The following RPF1 variants were observed in gnomAD, a reference collection of about 807,000 sequenced individuals.
RPF1 encodes the protein ribosome production factor 1.
RPF1 carries 34 observed loss-of-function variants against 41.9 expected under a neutral mutation model. The ratio of observed to expected loss-of-function variants is 0.81; its 90% CI spans 0.62 to 1.08. The LOEUF is 1.08. Among genes scored for constraint, RPF1 ranks in the 50% least tolerant of loss-of-function variants. RPF1 has a pLI of 0.00. For missense variants in RPF1, 425 were observed against 435.2 expected (o/e 0.98, Z 0.21); for synonymous variants, 140 against 148.9 (o/e 0.94, Z 0.43).
At chr1:84,479,968 A>T (rs1335590951) in intron 1 of RPF1, among the ~76,000 whole-genome samples, 1 of 152,220 alleles carries the variant, frequency 6.6e-6, no homozygotes, top group Non-Finnish European at 1.5e-5. Flanking sequence ...AGTTTCTGGT[A>T]ATTGTATTTG....
In RPF1 at chr1:84,498,335, AC is replaced by A. The variant is rs1681982728; in HGVS notation, c.*866del. ...TAATAATGCAAAATAAAAGTTTCAT[AC>A]TAAGTTTTATTGTATGCTGCTGCCA... On this transcript the variant is annotated 3_prime_UTR_variant, in exon 9 of 9. Coordinates refer to ENST00000370654, the MANE Select transcript of RPF1 (RefSeq NM_025065.7). 6.5e-6 allele frequency: 1 copy of A among 152,676 alleles called. No homozygotes were observed. The highest frequency in any genetic ancestry group is 2.1e-4 in the South Asian group (1 of 4,834). 9.5% of individuals were successfully genotyped at this position (152,676 alleles called of 1,614,324 possible).
chr1:84,496,737 G>A (rs1681944449), intron 8 of RPF1, among the ~76,000 whole-genome samples: 1 of 152,078 alleles, frequency 6.6e-6, no homozygotes, highest in South Asian at 2.1e-4. Context: ...TTTAGGGGGT[G>A]GGACCCAGCA....
At chr1:84,492,562 A>G (rs1681853831) in intron 5 of RPF1, among the ~76,000 whole-genome samples, 1 of 152,208 alleles carries the variant, frequency 6.6e-6, no homozygotes, top group African/African-American at 2.4e-5. Flanking sequence ...ACCTATCTTT[A>G]GAGTTCCCAC....
At chr1:84,480,860 G>A (rs1681632873) in intron 1 of RPF1, 96 bp from the exon 2 acceptor site, 1 of 676,120 alleles carries the variant, frequency 1.5e-6, no homozygotes, top group Non-Finnish European at 2.6e-6. Context: ...CGCCCAGTTC[G>A]AGTATTCATA....
rs999129115 is a variant in RPF1, at chr1:84,494,986, G to A, written c.617-387G>A. ...TTTTGGGGTTATACATCTTTAGAAC[G>A]TGGAGGTAAACTCATACTCTATTTG... On this transcript the variant is annotated intron_variant, in intron 5 of 8. Transcript: ENST00000370654. Among the ~76,000 whole-genome samples, 3 of 152,138 alleles carry A rather than the reference G, an allele frequency of 2.0e-5. No individual in the cohort carries two copies. In the South Asian group the frequency reaches 6.2e-4, roughly 32 times the overall value.
intron 3 of RPF1, among the ~76,000 whole-genome samples, chr1:84,486,652 T>C (rs550996840): frequency 6.7e-6 from 1 of 149,928 alleles, no homozygotes; most frequent in African/African-American, 2.5e-5. Flanking sequence ...TTAGAAGTAG[T>C]TGGCTGCTTT....
In RPF1 at chr1:84,492,102, C is replaced by A. The variant is rs542308753; in HGVS notation, c.616+1630C>A. ...CTTGAACCCGGGAGGCAAAGGTTGC[C>A]ATGAGCAGAGATGGTGCCACTGCAC... On this transcript the variant is annotated intron_variant, in intron 5 of 8. Transcript: ENST00000370654. Among the ~76,000 whole-genome samples the A allele has an allele frequency of 4.6e-5, 7 of 151,936 alleles. No individual in the cohort carries two copies. In the South Asian group the frequency reaches 1.5e-3, roughly 32 times the overall value.
rs1454757572 is a variant in RPF1 at position 84,480,995 on chromosome 1, G to A, written c.268G>A (p.Glu90Lys). 2.5e-6 allele frequency: 4 copies of A among 1,594,322 alleles called. No homozygotes were observed. The highest frequency in any genetic ancestry group is 3.4e-6 in the Non-Finnish European group (4 of 1,165,476). The change falls in exon 2 of 9, where the codon GAG (glutamate) becomes AAG (lysine). Residue 90 changes from glutamate (E) to lysine (K), a missense_variant. Physicochemically the swap from Glu to Lys is moderately conservative, Grantham distance 56. Coordinates refer to ENST00000370654, the MANE Select transcript of RPF1 (RefSeq NM_025065.7). ...TAAGAAAAAACTTAAAAAAGAAAGA[G>A]AGGCTCTTGGCGATAAGGTAAATAA... ...AAKKKLKKER[E>K]ALGDKAPPKP...
At position 84,480,982 on chromosome 1, in the gene RPF1, T is replaced by TA; in HGVS notation, c.261dup (p.Glu88ArgfsTer8). Reference sequence around the variant, plus strand: ...AAAAGTTGGCAGCTAAGAAAAAACTTAAAAAAGAAAGAGAGGCTCTTGGCG... The same window carrying TA: ...AAAAGTTGGCAGCTAAGAAAAAACTTAAAAAAAGAAAGAGAGGCTCTTGGCG... On this transcript the variant is annotated frameshift_variant, in exon 2 of 9. Transcript: ENST00000370654. LOFTEE classifies it high-confidence loss of function. 3 of 1,596,188 alleles carry TA rather than the reference T, an allele frequency of 1.9e-6. No individual in the cohort carries two copies. The highest frequency in any genetic ancestry group is 2.6e-6 in the Non-Finnish European group (3 of 1,166,842).
At position 84,497,590 on chromosome 1, in the gene RPF1, C is replaced by T. The variant is rs1260948888; in HGVS notation, c.*120C>T. The T allele has an allele frequency of 1.3e-5, 8 of 614,850 alleles. No individual in the cohort carries two copies. Among genetic ancestry groups the T allele is most frequent in the Non-Finnish European group, 1.9e-5 (7 of 373,076 alleles). 38.1% of individuals were successfully genotyped at this position (614,850 alleles called of 1,614,324 possible). On this transcript the variant is annotated 3_prime_UTR_variant, in exon 9 of 9. Coordinates refer to ENST00000370654, the MANE Select transcript of RPF1 (RefSeq NM_025065.7). ...TGCTGATTTCATAAACCTTTCACGT[C>T]TGGACGAATTACCAAATGCCATGAA...
At chr1:84,482,183 A>G (rs1219550287) in intron 2 of RPF1, among the ~76,000 whole-genome samples, 1 of 152,188 alleles carries the variant, frequency 6.6e-6, no homozygotes, top group Non-Finnish European at 1.5e-5. Context: ...TATTTTCTTC[A>G]TAGCTCTGCT....
Position 84,480,836 on chromosome 1 carries a change from T to C in RPF1, c.229-120T>C, listed in dbSNP as rs922097116. The C allele has an allele frequency of 1.2e-5, 7 of 564,832 alleles. No homozygotes were observed. In the African/African-American group the frequency reaches 1.3e-4, roughly 11 times the overall value. The allele number at this position is 564,832 out of a possible 1,614,324, so 35.0% of individuals were successfully genotyped here. On this transcript the variant is annotated intron_variant, in intron 1 of 8. Coordinates refer to ENST00000370654, the MANE Select transcript of RPF1 (RefSeq NM_025065.7). Reference sequence around the variant, plus strand: ...CTCCACGTCCAGATGCTTATTTCAATAGATTACAAAGACCGCCCAGTTCGA... The same window carrying C: ...CTCCACGTCCAGATGCTTATTTCAACAGATTACAAAGACCGCCCAGTTCGA...
chr1:84,481,904 T>C (rs1681657154), intron 2 of RPF1, among the ~76,000 whole-genome samples: 1 of 152,214 alleles, frequency 6.6e-6, no homozygotes. Flanking sequence ...ATTTCATACA[T>C]TCTTTGAATA....
chr1:84,479,651 G>A (rs1681605651), intron 1 of RPF1, 142 bp downstream of exon 1: 1 of 749,778 alleles, frequency 1.3e-6, no homozygotes, highest in Non-Finnish European at 2.2e-6. Context: ...CGCGGCCCAC[G>A]TGTTCTGGTC....
intron 4 of RPF1, 91 bp downstream of exon 4, chr1:84,489,819 T>G: frequency 8.4e-6 from 6 of 715,024 alleles, no homozygotes; most frequent in Non-Finnish European, 1.2e-5. Flanking sequence ...AAACCATTAG[T>G]TAATTGCCTT....
chr1:84,485,706 C>T (rs1043190627), intron 3 of RPF1, among the ~76,000 whole-genome samples: 2 of 152,158 alleles, frequency 1.3e-5, no homozygotes, highest in African/African-American at 4.8e-5. Context: ...TGCCAGGTTT[C>T]TCCACTCTGA....
At chr1:84,485,031 C>G (rs572786342) in intron 3 of RPF1, among the ~76,000 whole-genome samples, 1 of 152,270 alleles carries the variant, frequency 6.6e-6, no homozygotes, top group African/African-American at 2.4e-5. Context: ...AATGAGGTAT[C>G]TTGATGATTG....
chr1:84,490,525 A>G (rs1255366006), intron 5 of RPF1, 53 bp downstream of exon 5: 2 of 1,247,506 alleles, frequency 1.6e-6, no homozygotes, highest in African/African-American at 1.6e-5. Context: ...CACCCCCCTT[A>G]AAAATATATT....
intron 5 of RPF1, among the ~76,000 whole-genome samples, chr1:84,491,871 C>T (rs1000873203): frequency 2.0e-5 from 3 of 152,156 alleles, no homozygotes; most frequent in Non-Finnish European, 4.4e-5. Flanking sequence ...AAAAAGTTTA[C>T]ATTTTCTGGC....
Sources: gnomAD v4.1 joint callset for allele counts (sites outside exome capture counted in the v4.1 genomes callset) on GRCh38, gnomAD v4.1.1 for gene constraint, MANE v1.5 for transcripts, NCBI Gene and HGNC (gene_info 2026-07-23, HGNC 2026-07-21) for gene names.